Variants in RAB31 observed in about 807,000 individuals in gnomAD.
RAB31 encodes the protein ras-related protein Rab-31.
A neutral mutation model predicts 25.6 loss-of-function variants in RAB31; 21 were observed. The ratio of observed to expected loss-of-function variants is 0.82; its 90% CI spans 0.58 to 1.18. RAB31 has a LOEUF of 1.18. Among genes scored for constraint, RAB31 ranks in the 50% most tolerant of loss-of-function variants. The pLI, the probability that RAB31 is intolerant of heterozygous loss-of-function variation, is 0.00. For missense variants in RAB31, 196 were observed against 250.1 expected, an observed-to-expected ratio of 0.78 and a Z score of 1.46; for synonymous variants, 87 against 84.0, an observed-to-expected ratio of 1.04 and a Z score of -0.20.
At chr18:9,725,333 C>T (rs1438719740) in intron 1 of RAB31, among the ~76,000 whole-genome samples, 1 of 152,196 alleles carries the variant, frequency 6.6e-6, no homozygotes, top group African/African-American at 2.4e-5. Flanking sequence ...CATCCTTAAT[C>T]TACCCTACTG....
chr18:9,842,998 G>GT lies in RAB31; in HGVS notation c.381-2583dup, dbSNP rs530847262. Among the ~76,000 whole-genome samples the GT allele has an allele frequency of 5.9e-5, 9 of 152,332 alleles. No individual in the cohort carries two copies. The South Asian group carries it at 1.9e-3, about 32-fold the overall frequency. ...CTAAGGATGGAGATGTTGGGCTGTGGTACATGATAACTGTTCTTTTGTAAG... is the reference window on the plus strand; with the variant it reads ...CTAAGGATGGAGATGTTGGGCTGTGGTTACATGATAACTGTTCTTTTGTAAG... On this transcript the variant is annotated intron_variant, in intron 5 of 6. Transcript: ENST00000578921.
At chr18:9,801,491 C>T (rs1211936925) in intron 3 of RAB31, among the ~76,000 whole-genome samples, 1 of 152,066 alleles carries the variant, frequency 6.6e-6, no homozygotes, top group Non-Finnish European at 1.5e-5. Context: ...CCATGTTGGC[C>T]AGATGTCTCA....
chr18:9,829,245 A>T (rs1319915954), intron 5 of RAB31, among the ~76,000 whole-genome samples: 1 of 152,050 alleles, frequency 6.6e-6, no homozygotes, highest in Non-Finnish European at 1.5e-5. Context: ...TGTTTTCGTT[A>T]TGCTTTACAC....
intron 6 of RAB31, among the ~76,000 whole-genome samples, chr18:9,854,790 AC>A (rs747273470): frequency 6.6e-6 from 1 of 151,898 alleles, no homozygotes; most frequent in Non-Finnish European, 1.5e-5. Context: ...TGTTCCAGAG[AC>A]CCCCTCTCTA....
chr18:9,824,159 A>G (rs2068637150), intron 5 of RAB31, among the ~76,000 whole-genome samples: 1 of 152,142 alleles, frequency 6.6e-6, no homozygotes, highest in Non-Finnish European at 1.5e-5. Flanking sequence ...TGAGGGTTGT[A>G]GCAGGACAGT....
At chr18:9,734,147 G>A (rs541953339) in intron 1 of RAB31, among the ~76,000 whole-genome samples, 14 of 149,960 alleles carry the variant, frequency 9.3e-5, no homozygotes, top group African/African-American at 3.2e-4. Context: ...CTAAGGTCAT[G>A]CACTCAGGTC....
chr18:9,770,998 CA>C (rs1251807094), intron 1 of RAB31, among the ~76,000 whole-genome samples: 1 of 151,566 alleles, frequency 6.6e-6, no homozygotes, highest in African/African-American at 2.4e-5. Context: ...CTTGTCTCTG[CA>C]AAAAAACCCC....
chr18:9,809,756 T>C (rs758843), intron 3 of RAB31, among the ~76,000 whole-genome samples: 152,324 of 152,380 alleles, frequency 1, 76,134 homozygotes, highest in Non-Finnish European at 1. Context: ...ATTGATAATT[T>C]TCAAAGGAAT....
chr18:9,857,721 T>C (rs1054323386), intron 6 of RAB31, among the ~76,000 whole-genome samples: 3 of 151,490 alleles, frequency 2.0e-5, no homozygotes, highest in Admixed American at 2.0e-4. Flanking sequence ...GATAGATAGA[T>C]AGATAGATAT....
At chr18:9,824,400 ATGTGTATATGAGTGTGTGTAGATG>A (rs1474219614) in intron 5 of RAB31, among the ~76,000 whole-genome samples, 2 of 131,750 alleles carry the variant, frequency 1.5e-5, no homozygotes, top group African/African-American at 6.4e-5. Flanking sequence ...GTGTAGATGT[ATGTGTATATGAGTGTGTGTAGATG>A]TGTGTGTATG....
In RAB31 at chr18:9,815,103, A is replaced by G; in HGVS notation, c.274-13A>G. On this transcript the variant is annotated splice_polypyrimidine_tract_variant and intron_variant, in intron 4 of 6. Coordinates refer to ENST00000578921, the MANE Select transcript of RAB31 (RefSeq NM_006868.4). Reference sequence around the variant, plus strand: ...GGGGTCTTTCTAATGATTTGTGTACACTGTTGGTTTAGGATTCATTTTATA... The same window carrying G: ...GGGGTCTTTCTAATGATTTGTGTACGCTGTTGGTTTAGGATTCATTTTATA... 6.7e-7 allele frequency: 1 copy of G among 1,495,278 alleles called. No individual in the cohort carries two copies. Among genetic ancestry groups the G allele is most frequent in the South Asian group, 1.2e-5 (1 of 82,890 alleles). 92.6% of individuals were successfully genotyped at this position (1,495,278 alleles called of 1,614,324 possible).
At chr18:9,816,942 G>A (rs1477095189) in intron 5 of RAB31, among the ~76,000 whole-genome samples, 2 of 152,168 alleles carry the variant, frequency 1.3e-5, no homozygotes, top group African/African-American at 2.4e-5. Flanking sequence ...TCTTAACATA[G>A]CATTTAACGA....
chr18:9,836,185 G>A (rs1469563567), intron 5 of RAB31, among the ~76,000 whole-genome samples: 2 of 152,056 alleles, frequency 1.3e-5, no homozygotes, highest in African/African-American at 4.8e-5. Context: ...TTGGAAGGGG[G>A]CTGTGGCTCG....
chr18:9,709,260 C>G (rs906334743), intron 1 of RAB31, among the ~76,000 whole-genome samples: 1 of 152,180 alleles, frequency 6.6e-6, no homozygotes, highest in African/African-American at 2.4e-5. Context: ...GCTGGCGAAC[C>G]GCCCCTGGGA....
rs781029967 is a variant in RAB31, at chr18:9,708,442, G to C, written c.37G>C (p.Gly13Arg). The change falls in exon 1 of 7, where the codon GGG becomes CGG. Residue 13 changes from glycine to arginine, a missense_variant and splice_region_variant. Transcript: ENST00000578921. This position sits in a 1 kb window ranked among gnomAD's most constrained non-coding sequence, Gnocchi z 6.4. Reference sequence around the variant, plus strand: ...ACGGGAGCTCAAAGTGTGCCTTCTCGGGGTGAGTCCTGGCCGCCACCCGCC... The same window carrying C: ...ACGGGAGCTCAAAGTGTGCCTTCTCCGGGTGAGTCCTGGCCGCCACCCGCC... ...AIRELKVCLL[G>R]DTGVGKSSIV... 11 of 1,568,830 alleles carry C rather than the reference G, an allele frequency of 7.0e-6. No individual in the cohort carries two copies. The highest frequency in any genetic ancestry group is 1.7e-4 in the Middle Eastern group (1 of 5,904).
At chr18:9,842,844 G>A (rs1054610385) in intron 5 of RAB31, among the ~76,000 whole-genome samples, 2 of 152,246 alleles carry the variant, frequency 1.3e-5, no homozygotes, top group African/African-American at 4.8e-5. Context: ...TGTCACTTCG[G>A]CAGGCCGATG....
At chr18:9,840,385 A>C (rs924375577) in intron 5 of RAB31, among the ~76,000 whole-genome samples, 2 of 152,186 alleles carry the variant, frequency 1.3e-5, no homozygotes, top group Non-Finnish European at 2.9e-5. Flanking sequence ...TGTTGAAAAA[A>C]AATAAACAAA....
intron 1 of RAB31, among the ~76,000 whole-genome samples, chr18:9,772,435 A>G (rs1359021766): frequency 6.6e-6 from 1 of 152,236 alleles, no homozygotes; most frequent in Non-Finnish European, 1.5e-5. Context: ...GGGCAGCCCC[A>G]TCACCACTGT....
At chr18:9,731,165 G>A (rs10451360) in intron 1 of RAB31, among the ~76,000 whole-genome samples, 2,364 of 152,066 alleles carry the variant, frequency 0.016, 61 homozygotes, top group African/African-American at 0.054. Context: ...GGCTGGTCTC[G>A]AACTCCTGGA....
Sources: gnomAD v4.1 joint callset for allele counts (sites outside exome capture counted in the v4.1 genomes callset) on GRCh38, gnomAD v4.1.1 for gene constraint, Gnocchi (gnomAD v3.1) non-coding constraint, MANE v1.5 for transcripts, NCBI Gene and HGNC (gene_info 2026-07-23, HGNC 2026-07-21) for gene names.